MYO3B: variants seen among roughly 807,000 people sequenced by gnomAD.
MYO3B encodes myosin-IIIb.
Under a neutral mutation model 174.6 loss-of-function variants are expected in MYO3B, and 156 were observed. The observed-to-expected ratio is 0.89, with a 90% CI of 0.78 to 1.02. MYO3B has a LOEUF of 1.02. MYO3B is among the 50% of genes least tolerant of loss of function. The pLI is 0.00. For missense variants in MYO3B, 1,632 were observed against 1,639.4 expected (o/e 1.00, Z 0.08); for synonymous variants, 563 against 569.1 (o/e 0.99, Z 0.15).
chr2:170,510,540 C>T (rs763960898), intron 28 of MYO3B, among the ~76,000 whole-genome samples: 2 of 152,254 alleles, frequency 1.3e-5, no homozygotes, highest in Non-Finnish European at 1.5e-5. Flanking sequence ...AATTCATGTC[C>T]ATTCAGAACC....
intron 32 of MYO3B, among the ~76,000 whole-genome samples, chr2:170,632,092 C>T (rs1284989353): frequency 7.2e-5 from 11 of 152,076 alleles, no homozygotes; most frequent in African/African-American, 1.9e-4. Flanking sequence ...AAGATTAACA[C>T]GGATATCCAG....
chr2:170,402,565 A>C (rs2094484465), intron 18 of MYO3B, among the ~76,000 whole-genome samples: 1 of 152,116 alleles, frequency 6.6e-6, no homozygotes, highest in African/African-American at 2.4e-5. Flanking sequence ...CCTTCAAACA[A>C]AAGGACTTTA....
At chr2:170,470,102 CAAAAAAAA>C (rs34472083) in intron 25 of MYO3B, among the ~76,000 whole-genome samples, 46 of 46,350 alleles carry the variant, frequency 9.9e-4, no homozygotes, top group African/African-American at 3.3e-3. Flanking sequence ...AACTCCGTCT[CAAAAAAAA>C]AAAAAAAAAA....
intron 23 of MYO3B, among the ~76,000 whole-genome samples, chr2:170,459,194 C>T (rs140151067): frequency 1.5e-3 from 223 of 152,278 alleles, no homozygotes; most frequent in African/African-American, 5.1e-3. Flanking sequence ...GGGACCCCAG[C>T]GGGTTGCCAC....
chr2:170,369,155 C>T, intron 8 of MYO3B, 67 bp from the exon 9 acceptor site: 1 of 1,460,966 alleles, frequency 6.8e-7, no homozygotes, highest in Non-Finnish European at 9.4e-7. Flanking sequence ...TCTCCATCTC[C>T]CATATTCATA....
At chr2:170,368,805 A>G (rs1025478679) in intron 8 of MYO3B, among the ~76,000 whole-genome samples, 1 of 152,148 alleles carries the variant, frequency 6.6e-6, no homozygotes, top group Non-Finnish European at 1.5e-5. Flanking sequence ...GGCATTTCAT[A>G]TATTAGGATT....
chr2:170,309,798 T>C (rs558457327), intron 7 of MYO3B, among the ~76,000 whole-genome samples: 10 of 152,208 alleles, frequency 6.6e-5, no homozygotes, highest in Non-Finnish European at 1.5e-4. Flanking sequence ...CATTTTAAAG[T>C]AAACAATTTA....
intron 7 of MYO3B, among the ~76,000 whole-genome samples, chr2:170,329,217 A>T (rs2093892664): frequency 7.0e-6 from 1 of 142,384 alleles, no homozygotes; most frequent in African/African-American, 2.6e-5. Context: ...ATTTACTTAC[A>T]ACACAGAAAA....
At chr2:170,287,644 A>G (rs2093566235) in intron 7 of MYO3B, among the ~76,000 whole-genome samples, 1 of 152,054 alleles carries the variant, frequency 6.6e-6, no homozygotes, top group Admixed American at 6.6e-5. Context: ...TCTTTTTCAG[A>G]TGAATAGTTT....
intron 8 of MYO3B, among the ~76,000 whole-genome samples, chr2:170,353,981 C>T (rs193234483): frequency 9.2e-5 from 14 of 152,280 alleles, no homozygotes; most frequent in Middle Eastern, 6.8e-3. Context: ...AATCATTCAT[C>T]GCATTATCTG....
intron 7 of MYO3B, among the ~76,000 whole-genome samples, chr2:170,263,868 C>T (rs567563957): frequency 1.2e-4 from 19 of 152,242 alleles, no homozygotes; most frequent in South Asian, 4.2e-4. Context: ...ACCGGTATCT[C>T]GGGCTGGGGG....
intron 7 of MYO3B, among the ~76,000 whole-genome samples, chr2:170,304,065 A>G (rs1259570437): frequency 6.6e-6 from 1 of 152,118 alleles, no homozygotes; most frequent in Non-Finnish European, 1.5e-5. Context: ...CGTTGCTGTT[A>G]TAAACAAAGA....
At chr2:170,588,825 C>T (rs1693648875) in intron 32 of MYO3B, among the ~76,000 whole-genome samples, 1 of 152,178 alleles carries the variant, frequency 6.6e-6, no homozygotes, top group South Asian at 2.1e-4. Context: ...ATGACTGCAT[C>T]AGGAACCTTG....
At position 170,319,109 on chromosome 2, in the gene MYO3B, A is replaced by T. The variant is rs375583560; in HGVS notation, c.750-16276A>T. ...GTAATAATAGCAAAAGGTTATTGGGATGCTTATTTTATGACAGGCTTTACT... is the reference window on the plus strand; with the variant it reads ...GTAATAATAGCAAAAGGTTATTGGGTTGCTTATTTTATGACAGGCTTTACT... On this transcript the variant is annotated intron_variant, in intron 7 of 34. Transcript: ENST00000408978. Among the ~76,000 whole-genome samples, 4 of 152,192 alleles carry T rather than the reference A, an allele frequency of 2.6e-5. No individual in the cohort carries two copies. The South Asian group carries it at 8.3e-4, about 32-fold the overall frequency.
At chr2:170,471,061 T>C (rs1200749390) in intron 25 of MYO3B, among the ~76,000 whole-genome samples, 1 of 151,954 alleles carries the variant, frequency 6.6e-6, no homozygotes, top group Non-Finnish European at 1.5e-5. Flanking sequence ...CTTTTTTTTT[T>C]CTTCTTTGAG....
At chr2:170,625,107 T>G (rs1469070357) in intron 32 of MYO3B, among the ~76,000 whole-genome samples, 1 of 152,242 alleles carries the variant, frequency 6.6e-6, no homozygotes, top group African/African-American at 2.4e-5. Flanking sequence ...GATTTCGTCT[T>G]TTTCCATTGA....
At chr2:170,369,410 G>C (rs746158789) in intron 9 of MYO3B, 33 bp downstream of exon 9, 1 of 1,585,848 alleles carries the variant, frequency 6.3e-7, no homozygotes, top group Non-Finnish European at 8.6e-7. Flanking sequence ...TCTCCCTGTG[G>C]TTGTTTATAA....
chr2:170,334,884 T>C (rs2093936700), intron 7 of MYO3B: 1 of 152,840 alleles, frequency 6.5e-6, no homozygotes, highest in Non-Finnish European at 1.5e-5. Context: ...CCAGTGCTTA[T>C]TGCAGAAGTT....
chr2:170,369,196 G>T, intron 8 of MYO3B, 26 bp from the exon 9 acceptor site: 1 of 1,606,598 alleles, frequency 6.2e-7, no homozygotes, highest in Non-Finnish European at 8.5e-7. Flanking sequence ...TTGTACTTTG[G>T]ATTGTTTGTT....
Sources: allele counts gnomAD v4.1 joint callset (sites outside exome capture counted in the v4.1 genomes callset), GRCh38; gene constraint gnomAD v4.1.1; transcripts MANE v1.5; gene names NCBI Gene and HGNC (gene_info 2026-07-23, HGNC 2026-07-21).